ARHGAP28: variants seen among roughly 807,000 people sequenced by gnomAD.
The protein encoded by ARHGAP28 is Rho GTPase activating protein 28.
A neutral mutation model predicts 90.7 loss-of-function variants in ARHGAP28; 56 were observed. That is an observed-to-expected ratio of 0.62 (90% CI 0.50 to 0.77). The LOEUF (loss-of-function observed/expected upper bound fraction) is 0.77. Among genes scored for constraint, ARHGAP28 ranks in the 30% least tolerant of loss-of-function variants. ARHGAP28 has a pLI of 0.00. For missense variants in ARHGAP28, 869 were observed against 900.9 expected (o/e 0.96, Z 0.45); for synonymous variants, 308 against 323.3 (o/e 0.95, Z 0.51).
At chr18:6,820,172 A>G (rs2056617061) in intron 1 of ARHGAP28, among the ~76,000 whole-genome samples, 2 of 152,204 alleles carry the variant, frequency 1.3e-5, no homozygotes, top group South Asian at 4.1e-4. Flanking sequence ...AAATTAGAGG[A>G]TAGATGGGCA....
At chr18:6,888,802 GTC>G (rs150496048) in intron 12 of ARHGAP28, among the ~76,000 whole-genome samples, 62 of 149,336 alleles carry the variant, frequency 4.2e-4, no homozygotes, top group Admixed American at 5.3e-4. Context: ...CACATGCACT[GTC>G]TCTCTCTCTC....
chr18:6,820,638 G>A (rs2056620531), intron 1 of ARHGAP28, among the ~76,000 whole-genome samples: 1 of 152,178 alleles, frequency 6.6e-6, no homozygotes, highest in African/African-American at 2.4e-5. Flanking sequence ...TCTATTATGA[G>A]CAGATAGAAC....
At chr18:6,757,344 A>G (rs1190969304) in intron 1 of ARHGAP28, among the ~76,000 whole-genome samples, 1 of 152,186 alleles carries the variant, frequency 6.6e-6, no homozygotes, top group Non-Finnish European at 1.5e-5. Flanking sequence ...AAAGAAGGGA[A>G]ACAAATGAAA....
intron 1 of ARHGAP28, among the ~76,000 whole-genome samples, chr18:6,757,866 AG>A: frequency 6.6e-6 from 1 of 152,236 alleles, no homozygotes; most frequent in South Asian, 2.1e-4. Flanking sequence ...CACAAGCAGG[AG>A]TATGGATCAA....
chr18:6,873,571 C>G lies in ARHGAP28; in HGVS notation c.1117C>G (p.Arg373Gly), dbSNP rs752239825. 9 of 1,612,990 alleles carry G rather than the reference C, an allele frequency of 5.6e-6. No individual in the cohort carries two copies. Among genetic ancestry groups the G allele is most frequent in the Non-Finnish European group, 7.6e-6 (9 of 1,179,754 alleles). Residue 373 changes from arginine to glycine, a missense_variant, in exon 8 of 18, where the codon CGA becomes GGA. Coordinates refer to ENST00000383472, the MANE Select transcript of ARHGAP28 (RefSeq NM_001366230.1). The part of the protein sequence containing the change: ...KRNKTEKVKG[R>G]DNGIFGVPLT... ...GAACAAAACAGAGAAAGTAAAAGGA[C>G]GAGGTAACTAAGAAGACTGATTGCT...
At chr18:6,859,375 C>T (rs2056979551) in intron 4 of ARHGAP28, among the ~76,000 whole-genome samples, 1 of 152,170 alleles carries the variant, frequency 6.6e-6, no homozygotes, top group African/African-American at 2.4e-5. Flanking sequence ...CTGGCAGCTC[C>T]AGGCTGTCGT....
intron 1 of ARHGAP28, among the ~76,000 whole-genome samples, chr18:6,809,585 G>A (rs1471198316): frequency 1.3e-5 from 2 of 152,154 alleles, no homozygotes; most frequent in African/African-American, 2.4e-5. Context: ...GCCAGCAGGA[G>A]AGAGAGAAAG....
At chr18:6,827,348 G>A (rs1323505606) in intron 2 of ARHGAP28, among the ~76,000 whole-genome samples, 12 of 149,522 alleles carry the variant, frequency 8.0e-5, no homozygotes, top group African/African-American at 3.0e-4. Context: ...CGGACGGGGC[G>A]GCTGGCTGGG....
chr18:6,873,755 G>A lies in ARHGAP28; in HGVS notation c.1192G>A (p.Val398Ile), dbSNP rs376774777. 12 of 1,613,756 alleles carry A rather than the reference G, an allele frequency of 7.4e-6. No individual in the cohort carries two copies. The highest frequency in any genetic ancestry group is 1.0e-5 in the Non-Finnish European group (12 of 1,179,910). Residue 398 changes from valine to isoleucine, a missense_variant, in exon 9 of 18, where the codon GTT becomes ATT. Transcript: ENST00000383472. ...GDRKKDPGVK[V>I]PLVLQKFFEK... is the part of the protein sequence containing the mutation. ...CCGAAAGAAAGACCCTGGAGTGAAAGTTCCCCTGGTATTACAAAAAGTGAG... is the reference window on the plus strand; with the variant it reads ...CCGAAAGAAAGACCCTGGAGTGAAAATTCCCCTGGTATTACAAAAAGTGAG...
At chr18:6,775,609 C>T (rs891962791) in intron 1 of ARHGAP28, among the ~76,000 whole-genome samples, 4 of 152,146 alleles carry the variant, frequency 2.6e-5, no homozygotes, top group African/African-American at 2.4e-5. Flanking sequence ...ATGTGACATT[C>T]GCTGGATGTG....
At chr18:6,872,117 G>T (rs1253586670) in intron 7 of ARHGAP28, among the ~76,000 whole-genome samples, 1 of 152,188 alleles carries the variant, frequency 6.6e-6, no homozygotes, top group Non-Finnish European at 1.5e-5. Context: ...GGTTTCAGGG[G>T]GAGCCCCTCC....
At chr18:6,773,046 T>G (rs1262118198) in intron 1 of ARHGAP28, among the ~76,000 whole-genome samples, 1 of 152,216 alleles carries the variant, frequency 6.6e-6, no homozygotes, top group Non-Finnish European at 1.5e-5. Context: ...AACTCCATCA[T>G]AAGTCAAGAA....
At chr18:6,888,420 C>G (rs1688596389) in intron 12 of ARHGAP28, among the ~76,000 whole-genome samples, 5 of 152,152 alleles carry the variant, frequency 3.3e-5, no homozygotes, top group Admixed American at 3.3e-4. Flanking sequence ...CTTAGTGCTG[C>G]CTCTTATCAG....
At chr18:6,872,955 A>G (rs1485257444) in intron 7 of ARHGAP28, among the ~76,000 whole-genome samples, 1 of 152,176 alleles carries the variant, frequency 6.6e-6, no homozygotes, top group Non-Finnish European at 1.5e-5. Flanking sequence ...AGTATGGGAT[A>G]GATAAACCTT....
chr18:6,754,039 A>G lies in ARHGAP28; in HGVS notation c.122+24096A>G, dbSNP rs184979578. On this transcript the variant is annotated intron_variant, in intron 1 of 17. Transcript: ENST00000383472. ...ATTATTTCATTTGTTCTTAAAGTCT[A>G]CTTATCTCAAATATGACCATTTGCA... Among the ~76,000 whole-genome samples the G allele has an allele frequency of 1.9e-3, 282 of 152,332 alleles. 1 individual carries two copies. Among genetic ancestry groups the G allele is most frequent in the African/African-American group, 5.3e-3 (220 of 41,578 alleles).
intron 1 of ARHGAP28, among the ~76,000 whole-genome samples, chr18:6,772,307 T>C (rs2056249374): frequency 6.6e-6 from 1 of 152,222 alleles, no homozygotes. Context: ...GTCATATTTA[T>C]TACATTTGTT....
At chr18:6,859,415 T>A (rs1477477262) in intron 4 of ARHGAP28, among the ~76,000 whole-genome samples, 1 of 152,206 alleles carries the variant, frequency 6.6e-6, no homozygotes, top group Non-Finnish European at 1.5e-5. Flanking sequence ...ATGTATCAAA[T>A]GAACCTATAT....
At chr18:6,872,895 T>C (rs1266019191) in intron 7 of ARHGAP28, among the ~76,000 whole-genome samples, 1 of 152,162 alleles carries the variant, frequency 6.6e-6, no homozygotes, top group Non-Finnish European at 1.5e-5. Context: ...TCAGCAAGCA[T>C]ATATAATCAG....
intron 1 of ARHGAP28, among the ~76,000 whole-genome samples, chr18:6,823,869 C>A (rs972672202): frequency 1.3e-5 from 2 of 152,052 alleles, no homozygotes; most frequent in African/African-American, 4.8e-5. Flanking sequence ...ATCTCAGCCT[C>A]CCAAATAGCT....
Sources: gnomAD v4.1 joint callset for allele counts (sites outside exome capture counted in the v4.1 genomes callset) on GRCh38, gnomAD v4.1.1 for gene constraint, MANE v1.5 for transcripts, NCBI Gene and HGNC (gene_info 2026-07-23, HGNC 2026-07-21) for gene names.